The following CDK12 variants were observed in gnomAD, a reference collection of about 807,000 sequenced individuals.
The protein encoded by CDK12 is cyclin-dependent kinase 12.
In CDK12, 17 loss-of-function variants were observed where a neutral mutation model predicts 133.8. The observed-to-expected ratio is 0.13, with a 90% CI of 0.09 to 0.19. The LOEUF (loss-of-function observed/expected upper bound fraction) is 0.19. Ranked by LOEUF, CDK12 falls within the 10% of genes least tolerant of loss-of-function variation. CDK12 has a pLI of 1.00. For synonymous variants in CDK12, 694 were observed against 683.6 expected, an observed-to-expected ratio of 1.02 and a Z score of -0.24; for missense variants, 1,508 against 1,818.7, an observed-to-expected ratio of 0.83 and a Z score of 3.11.
chr17:39,502,455 T>C (rs1206781518), intron 6 of CDK12, among the ~76,000 whole-genome samples: 1 of 152,034 alleles, frequency 6.6e-6, no homozygotes, highest in East Asian at 1.9e-4. Context: ...GCCTGGCCGG[T>C]TCAGTTTTAT....
chr17:39,549,234 A>T (rs1324248259), upstream of CDK12: 2 of 148,050 alleles, frequency 1.4e-5, no homozygotes, highest in African/African-American at 5.4e-5. Context: ...AAGGGGGCAA[A>T]TGCCTTACCT....
In CDK12 at chr17:39,467,987, G is replaced by A. The variant is rs1268252533; in HGVS notation, c.1047-2892G>A. On this transcript the variant is annotated intron_variant, in intron 1 of 13. Coordinates refer to ENST00000447079, the MANE Select transcript of CDK12 (RefSeq NM_016507.4). ...TGGCTTACTGCAACCTCCGCCTCCC[G>A]GGTTCAAGCAATTCTCCTGCCTTAG... is the stretch of plus-strand genomic sequence containing the variant. 2.6e-5 allele frequency among the ~76,000 whole-genome samples: 4 copies of A among 151,200 alleles called. No individual in the cohort carries two copies. In the East Asian group the frequency reaches 5.9e-4, roughly 22 times the overall value.
chr17:39,540,682 C>T (rs1053867712), intron 1 of CDK12, among the ~76,000 whole-genome samples: 8 of 152,172 alleles, frequency 5.3e-5, no homozygotes, highest in African/African-American at 1.9e-4. Flanking sequence ...TCATTTGTAT[C>T]TCTGATTCCT....
chr17:39,555,823 A>G (rs1316861230), intron 2 of CDK12, among the ~76,000 whole-genome samples: 1 of 133,084 alleles, frequency 7.5e-6, no homozygotes, highest in Non-Finnish European at 1.6e-5. Flanking sequence ...GTGAAACCTC[A>G]TCTCTACACA....
chr17:39,484,294 C>T (rs1420886714), intron 2 of CDK12, among the ~76,000 whole-genome samples: 1 of 152,066 alleles, frequency 6.6e-6, no homozygotes, highest in Non-Finnish European at 1.5e-5. Flanking sequence ...ATTATGAAAC[C>T]TAATTACCAC....
At chr17:39,481,636 CTCTCTCTCTCTCTCTCT>C (rs2050678868) in intron 2 of CDK12, among the ~76,000 whole-genome samples, 1 of 5,064 alleles carries the variant, frequency 2.0e-4, no homozygotes, top group African/African-American at 5.9e-4. Flanking sequence ...CTCGCGCGCT[CTCTCTCTCTCTCTCTCT>C]CTCTCTCTCT....
At chr17:39,487,758 A>G (rs2051256545) in intron 2 of CDK12, among the ~76,000 whole-genome samples, 1 of 151,950 alleles carries the variant, frequency 6.6e-6, no homozygotes, top group Admixed American at 6.6e-5. Context: ...CTACAGGCAC[A>G]TGCCACCATG....
Position 39,471,185 on chromosome 17 carries a change from A to G in CDK12, c.1353A>G (p.Val451=). The change falls in exon 2 of 14, where the codon GTA becomes GTG. Residue 451 remains valine (V), a synonymous_variant. Transcript: ENST00000447079. ...AGTCTAAAAAGTTACCCAGAAGTGTAAAATTGGAAAAATCTGCCCCAGATA... is the reference window on the plus strand; with the variant it reads ...AGTCTAAAAAGTTACCCAGAAGTGTGAAATTGGAAAAATCTGCCCCAGATA... ...GLESKKLPRS[V]KLEKSAPDTE... The G allele has an allele frequency of 6.3e-7, 1 of 1,580,160 alleles. No homozygotes were observed.
At chr17:39,492,957 G>A (rs2051756338) in intron 4 of CDK12, 67 bp downstream of exon 4, 1 of 1,336,040 alleles carries the variant, frequency 7.5e-7, no homozygotes, top group African/African-American at 1.5e-5. Flanking sequence ...TATCTTAAGT[G>A]GATTTAGCAA....
At chr17:39,536,874 T>C (rs2055156095), downstream of CDK12, among the ~76,000 whole-genome samples, 1 of 152,246 alleles carries the variant, frequency 6.6e-6, no homozygotes, top group South Asian at 2.1e-4. Flanking sequence ...AGCTACAGCA[T>C]ACTTCTGTGG....
At chr17:39,505,683 A>T (rs1030712371) in intron 6 of CDK12, among the ~76,000 whole-genome samples, 1 of 152,226 alleles carries the variant, frequency 6.6e-6, no homozygotes, top group East Asian at 1.9e-4. Flanking sequence ...CCGTTGAACA[A>T]CGCAGGTTTG....
upstream of CDK12, chr17:39,544,222 A>G (rs1295235253): frequency 1.0e-5 from 5 of 481,974 alleles, no homozygotes; most frequent in East Asian, 1.0e-4. Flanking sequence ...TCTCATGTCT[A>G]ATGTAACCTG....
At chr17:39,563,616 T>C (rs1222330930) in intron 3 of CDK12, among the ~76,000 whole-genome samples, 2 of 152,018 alleles carry the variant, frequency 1.3e-5, no homozygotes, top group Admixed American at 1.3e-4. Flanking sequence ...GAGCTCTCTG[T>C]GGAGCAATCT....
At chr17:39,540,645 AG>A (rs1243283460) in intron 1 of CDK12, among the ~76,000 whole-genome samples, 2 of 152,170 alleles carry the variant, frequency 1.3e-5, no homozygotes, top group Non-Finnish European at 2.9e-5. Flanking sequence ...GATTCTTGGA[AG>A]GCCTTTTTCT....
chr17:39,488,719 A>G (rs1303442070), intron 2 of CDK12, among the ~76,000 whole-genome samples: 9 of 152,140 alleles, frequency 5.9e-5, no homozygotes, highest in Non-Finnish European at 1.3e-4. Context: ...TGTGAATTTA[A>G]GAAAATTACT....
chr17:39,530,648 C>T lies in CDK12; in HGVS notation c.3805C>T (p.Pro1269Ser), dbSNP rs1269051715. The T allele has an allele frequency of 3.1e-6, 5 of 1,605,448 alleles. No homozygotes were observed. The African/African-American group carries it at 4.0e-5, about 13-fold the overall frequency. ...ILPPEKRPPEPPGPPPPPPPP... is the reference protein window; with the variant it reads ...ILPPEKRPPESPGPPPPPPPP... The stretch of plus-strand genomic sequence containing the variant: ...TCCACCAGAGAAGAGGCCCCCTGAG[C>T]CCCCCGGACCTCCACCGCCGCCACC... Residue 1269 changes from proline (P) to serine (S), a missense_variant, in exon 14 of 14, where the codon CCC (proline) becomes TCC (serine). Around this residue, in one of 9 missense-constraint regions of CDK12, gnomAD observed 399 missense variants for 469.6 expected, o/e 0.85. Transcript: ENST00000447079.
downstream of CDK12, among the ~76,000 whole-genome samples, chr17:39,566,476 C>A (rs2056579086): frequency 6.6e-6 from 1 of 152,102 alleles, no homozygotes; most frequent in African/African-American, 2.4e-5. Flanking sequence ...GCCAAGACAG[C>A]AGCCCTACCG....
At chr17:39,464,744 G>A (rs2049174488) in intron 1 of CDK12, among the ~76,000 whole-genome samples, 1 of 151,486 alleles carries the variant, frequency 6.6e-6, no homozygotes, top group Admixed American at 6.6e-5. Flanking sequence ...ATAAATATTT[G>A]CTGTATCCAG....
At chr17:39,465,631 A>G (rs1036334882) in intron 1 of CDK12, among the ~76,000 whole-genome samples, 2 of 151,750 alleles carry the variant, frequency 1.3e-5, no homozygotes, top group African/African-American at 4.8e-5. Context: ...TGGAATTACA[A>G]GCGCCCACCA....
Sources: allele counts gnomAD v4.1 joint callset (sites outside exome capture counted in the v4.1 genomes callset), GRCh38; gene constraint gnomAD v4.1.1; regional missense constraint gnomAD v4.1.1; transcripts MANE v1.5; gene names NCBI Gene and HGNC (gene_info 2026-07-23, HGNC 2026-07-21).